C1QTNF3: variants seen among roughly 807,000 people sequenced by gnomAD.
C1QTNF3 encodes the protein complement C1q tumor necrosis factor-related protein 3.
Under a neutral mutation model 32.6 loss-of-function variants are expected in C1QTNF3, and 26 were observed. The ratio of observed to expected loss-of-function variants is 0.80; its 90% confidence interval spans 0.58 to 1.11. The LOEUF is 1.11. Ranked by LOEUF, C1QTNF3 falls within the 50% of genes least tolerant of loss-of-function variation. The pLI is 0.00. For missense variants in C1QTNF3, 362 were observed against 398.2 expected (o/e 0.91, Z 0.77); for synonymous variants, 155 against 146.0 (o/e 1.06, Z -0.44).
rs1464194386 is a variant in C1QTNF3 at position 34,019,711 on chromosome 5, T to C, written c.*872A>G. Reference sequence around the variant, plus strand: ...GTTTAGAAAGTATCTTTAACAAAGGTGTGTTTATTTCCATATATTGCTCAT... The same window carrying C: ...GTTTAGAAAGTATCTTTAACAAAGGCGTGTTTATTTCCATATATTGCTCAT... On this transcript the variant is annotated 3_prime_UTR_variant, in exon 6 of 6. Coordinates refer to ENST00000382065, the MANE Select transcript of C1QTNF3 (RefSeq NM_181435.6). 1 of 152,230 alleles carries C rather than the reference T, an allele frequency of 6.6e-6. No homozygotes were observed. Among genetic ancestry groups the C allele is most frequent in the Non-Finnish European group, 1.5e-5 (1 of 68,034 alleles). The allele number at this position is 152,230 out of a possible 1,614,324, so 9.4% of individuals were successfully genotyped here. A position where few individuals can be genotyped will look rare whatever the true frequency, so the allele number is the denominator to read the frequency against.
At chr5:34,055,919 T>C in the C1QTNF3 span, among the ~76,000 whole-genome samples, 1 of 152,196 alleles carries the variant, frequency 6.6e-6, no homozygotes, top group East Asian at 1.9e-4. Flanking sequence ...TACGGTCAAT[T>C]GTCCTGTGAC....
At chr5:34,223,265 C>A in the C1QTNF3 span, among the ~76,000 whole-genome samples, 1 of 149,646 alleles carries the variant, frequency 6.7e-6, no homozygotes, top group Admixed American at 6.8e-5. Context: ...TGAGAACATG[C>A]AGTCTTAGGT....
the C1QTNF3 span, among the ~76,000 whole-genome samples, chr5:34,100,650 C>G: frequency 4.8e-5 from 7 of 147,252 alleles, no homozygotes; most frequent in African/African-American, 1.7e-4. Flanking sequence ...ACTATTAGCT[C>G]TATTTTCTTT....
chr5:34,209,369 A>G, the C1QTNF3 span, among the ~76,000 whole-genome samples: 1 of 151,458 alleles, frequency 6.6e-6, no homozygotes, highest in African/African-American at 2.4e-5. Context: ...CTATTTACCT[A>G]TAGGTTTACC....
At chr5:34,057,171 G>T in the C1QTNF3 span, among the ~76,000 whole-genome samples, 1 of 152,104 alleles carries the variant, frequency 6.6e-6, no homozygotes, top group African/African-American at 2.4e-5. Flanking sequence ...GACAAACAGC[G>T]ATCCAAAGAC....
At chr5:34,219,480 T>G in the C1QTNF3 span, among the ~76,000 whole-genome samples, 1,864 of 151,990 alleles carry the variant, frequency 0.012, 44 homozygotes, top group African/African-American at 0.043. Flanking sequence ...AGCATTTTCC[T>G]TATCTTCTCT....
the C1QTNF3 span, among the ~76,000 whole-genome samples, chr5:34,226,504 T>C: frequency 5.3e-5 from 8 of 151,756 alleles, no homozygotes; most frequent in Admixed American, 6.6e-5. Context: ...TCAAAGTTGA[T>C]AGTGTCACTA....
At chr5:34,069,052 A>G in the C1QTNF3 span, among the ~76,000 whole-genome samples, 1 of 145,194 alleles carries the variant, frequency 6.9e-6, no homozygotes. Flanking sequence ...AGTTAGATTC[A>G]CCCCTTGTTG....
chr5:34,116,540 A>G, the C1QTNF3 span, among the ~76,000 whole-genome samples: 2 of 116,908 alleles, frequency 1.7e-5, no homozygotes. Flanking sequence ...TCCCAAATCT[A>G]TTGACTCTTA....
the C1QTNF3 span, among the ~76,000 whole-genome samples, chr5:34,124,923 T>C: frequency 6.6e-6 from 1 of 152,202 alleles, no homozygotes; most frequent in African/African-American, 2.4e-5. Context: ...ATATCTCCTA[T>C]ACGCCACTCT....
the C1QTNF3 span, among the ~76,000 whole-genome samples, chr5:34,217,002 T>C: frequency 2.1e-4 from 32 of 152,090 alleles, no homozygotes; most frequent in Admixed American, 9.2e-4. Context: ...AGAAAAATTA[T>C]TGTTTTTATT....
the C1QTNF3 span, among the ~76,000 whole-genome samples, chr5:34,203,057 C>T: frequency 5.3e-5 from 8 of 152,106 alleles, no homozygotes; most frequent in African/African-American, 1.2e-4. Context: ...CACCACTAAA[C>T]GAGTCCTATG....
At chr5:34,136,691 C>A in the C1QTNF3 span, among the ~76,000 whole-genome samples, 4 of 142,640 alleles carry the variant, frequency 2.8e-5, no homozygotes, top group Non-Finnish European at 4.7e-5. Flanking sequence ...TATAAAGACA[C>A]GTGCACACAT....
chr5:34,024,283 C>A, intron 4 of C1QTNF3: 1 of 317,204 alleles, frequency 3.2e-6, no homozygotes. Flanking sequence ...GCCTTGTACC[C>A]TGACAAAGTG....
the C1QTNF3 span, among the ~76,000 whole-genome samples, chr5:34,130,811 T>A: frequency 6.6e-6 from 1 of 152,262 alleles, no homozygotes; most frequent in Non-Finnish European, 1.5e-5. Flanking sequence ...CCTCTCACGG[T>A]GTGAGACCAG....
At chr5:34,060,382 T>C in the C1QTNF3 span, among the ~76,000 whole-genome samples, 1 of 152,184 alleles carries the variant, frequency 6.6e-6, no homozygotes, top group African/African-American at 2.4e-5. Flanking sequence ...CAGGTTACTG[T>C]AGTGAAGATC....
chr5:34,033,530 A>G, intron 2 of C1QTNF3, 72 bp from the exon 3 acceptor site: 2 of 1,582,686 alleles, frequency 1.3e-6, no homozygotes, highest in Non-Finnish European at 1.7e-6. Context: ...TAGACATACT[A>G]TCCAAACTCA....
chr5:34,139,125 G>C, the C1QTNF3 span, among the ~76,000 whole-genome samples: 15 of 151,706 alleles, frequency 9.9e-5, no homozygotes, highest in South Asian at 6.3e-4. Context: ...ATATATGAAG[G>C]TATTCATAAT....
chr5:34,047,643 G>C (rs1026626095), upstream of C1QTNF3, among the ~76,000 whole-genome samples: 1 of 152,200 alleles, frequency 6.6e-6, no homozygotes, highest in African/African-American at 2.4e-5. Flanking sequence ...ACTAAGCACA[G>C]TGAATTCTGA....
Sources: allele counts gnomAD v4.1 joint callset (sites outside exome capture counted in the v4.1 genomes callset), GRCh38; gene constraint gnomAD v4.1.1; transcripts MANE v1.5; gene names NCBI Gene and HGNC (gene_info 2026-07-23, HGNC 2026-07-21).